Variants in BANK1 observed in about 807,000 individuals in gnomAD.
BANK1 encodes the protein B cell scaffold protein with ankyrin repeats 1, also known as B-cell scaffold protein with ankyrin repeats.
BANK1 carries 95 observed loss-of-function variants against 94.5 expected under a neutral mutation model. The ratio of observed to expected loss-of-function variants is 1.00; its 90% CI spans 0.85 to 1.19. BANK1 has a LOEUF of 1.19. Among genes scored for constraint, BANK1 ranks in the 50% most tolerant of loss-of-function variants. BANK1 has a pLI of 0.00. For synonymous variants in BANK1, 334 were observed against 308.4 expected, an observed-to-expected ratio of 1.08 and a Z score of -0.87; for missense variants, 987 against 932.2, an observed-to-expected ratio of 1.06 and a Z score of -0.77.
intron 2 of BANK1, among the ~76,000 whole-genome samples, chr4:101,854,699 T>C (rs139170971): frequency 6.6e-6 from 1 of 152,262 alleles, no homozygotes; most frequent in East Asian, 1.9e-4. Flanking sequence ...ATAACCGTCA[T>C]GGAAAACAAA....
At chr4:102,065,322 G>A (rs995552778) in intron 13 of BANK1, among the ~76,000 whole-genome samples, 2 of 152,144 alleles carry the variant, frequency 1.3e-5, no homozygotes, top group East Asian at 1.9e-4. Context: ...TAGGCTGACT[G>A]AATCTACAAA....
intron 6 of BANK1, 45 bp downstream of exon 6, chr4:101,895,455 C>T: frequency 8.6e-7 from 1 of 1,164,138 alleles, no homozygotes; most frequent in Non-Finnish European, 1.3e-6. Flanking sequence ...TATCACATTC[C>T]ATTCTATGTA....
intron 6 of BANK1, among the ~76,000 whole-genome samples, chr4:101,899,476 T>TG: frequency 6.6e-6 from 1 of 152,346 alleles, no homozygotes; most frequent in Non-Finnish European, 1.5e-5. Flanking sequence ...TATGAACTGA[T>TG]GCTTCAGTTT....
intron 2 of BANK1, among the ~76,000 whole-genome samples, chr4:101,843,886 C>T (rs1024378789): frequency 6.6e-6 from 1 of 152,118 alleles, no homozygotes; most frequent in Non-Finnish European, 1.5e-5. Flanking sequence ...CACACCGTTG[C>T]ACTCCAGCCT....
chr4:101,878,256 GA>G (rs1278560341), intron 5 of BANK1, among the ~76,000 whole-genome samples: 1 of 151,952 alleles, frequency 6.6e-6, no homozygotes, highest in Non-Finnish European at 1.5e-5. Flanking sequence ...ATGAAAGGAT[GA>G]AAAAAGATAT....
At chr4:101,867,992 T>G (rs1728140345) in intron 4 of BANK1, among the ~76,000 whole-genome samples, 1 of 151,896 alleles carries the variant, frequency 6.6e-6, no homozygotes, top group African/African-American at 2.4e-5. Flanking sequence ...GTGAATAGTC[T>G]AAGAACGCCA....
At chr4:101,934,492 C>T (rs1055409568) in intron 7 of BANK1, among the ~76,000 whole-genome samples, 11 of 151,552 alleles carry the variant, frequency 7.3e-5, no homozygotes, top group African/African-American at 2.7e-4. Flanking sequence ...TGAGAGCCTC[C>T]ATCACATGCA....
intron 5 of BANK1, among the ~76,000 whole-genome samples, chr4:101,871,073 G>C (rs1433929225): frequency 6.6e-6 from 1 of 152,138 alleles, no homozygotes; most frequent in African/African-American, 2.4e-5. Flanking sequence ...AAGGGAACGT[G>C]TGGTGTCAAT....
intron 1 of BANK1, among the ~76,000 whole-genome samples, chr4:101,814,471 C>T (rs570845513): frequency 2.0e-5 from 3 of 152,230 alleles, no homozygotes; most frequent in South Asian, 2.1e-4. Context: ...TTCTTTTTCT[C>T]GGAACTAGGA....
intron 7 of BANK1, among the ~76,000 whole-genome samples, chr4:101,985,742 A>C (rs188815243): frequency 6.6e-6 from 1 of 152,248 alleles, no homozygotes; most frequent in East Asian, 1.9e-4. Context: ...TGAAAATAAC[A>C]TGAAATTAAA....
At position 102,071,268 on chromosome 4, in the gene BANK1, CT is replaced by C; in HGVS notation, c.2213-5del. 1 of 1,612,484 alleles carries C rather than the reference CT, an allele frequency of 6.2e-7. No homozygotes were observed. The highest frequency in any genetic ancestry group is 2.2e-5 in the East Asian group (1 of 44,834). ...CTCAGTAGAACATGCTTTTTTTTGT[CT>C]TCCAGATAAACTCACCATTGTGCAC... is the stretch of plus-strand genomic sequence containing the variant. On this transcript the variant is annotated splice_region_variant and splice_polypyrimidine_tract_variant and intron_variant, in intron 13 of 16. Coordinates refer to ENST00000322953, the MANE Select transcript of BANK1 (RefSeq NM_017935.5).
At chr4:101,878,367 A>T (rs539197287) in intron 5 of BANK1, among the ~76,000 whole-genome samples, 1 of 152,344 alleles carries the variant, frequency 6.6e-6, no homozygotes, top group East Asian at 1.9e-4. Context: ...AGAAAAGTTC[A>T]CTGTATAATG....
chr4:101,895,368 G>A lies in BANK1; in HGVS notation c.967G>A (p.Glu323Lys). ...ATTCAAACATGAGATACCATATTAT[G>A]AGTTCCAGTCTCTTCAAACTGAAAT... ...SIFKHEIPYYEFQSLQTEICS... is the reference protein window; with the variant it reads ...SIFKHEIPYYKFQSLQTEICS... The change falls in exon 6 of 17, where the codon GAG (glutamate) becomes AAG (lysine). Residue 323 changes from glutamate (E) to lysine (K), a missense_variant. Glu to Lys is a moderately conservative substitution (Grantham distance 56, BLOSUM62 1). Transcript: ENST00000322953. The A allele has an allele frequency of 6.3e-7, 1 of 1,596,090 alleles. No individual in the cohort carries two copies. Among genetic ancestry groups the A allele is most frequent in the Non-Finnish European group, 8.5e-7 (1 of 1,170,590 alleles).
intron 5 of BANK1, among the ~76,000 whole-genome samples, chr4:101,886,884 G>A (rs1439427685): frequency 6.6e-6 from 1 of 152,138 alleles, no homozygotes; most frequent in Non-Finnish European, 1.5e-5. Context: ...GATTTTGCAT[G>A]ATTGATGGGG....
chr4:102,035,421 G>A (rs1727469781), intron 10 of BANK1, among the ~76,000 whole-genome samples: 1 of 151,930 alleles, frequency 6.6e-6, no homozygotes, highest in Non-Finnish European at 1.5e-5. Context: ...GGCCGAGGCG[G>A]GCGGATCACG....
chr4:101,849,496 GATACACACGCACACACACACAT>G (rs1468507572), intron 2 of BANK1, among the ~76,000 whole-genome samples: 1 of 151,894 alleles, frequency 6.6e-6, no homozygotes, highest in Non-Finnish European at 1.5e-5. Flanking sequence ...AGGACATGGA[GATACACACGCACACACACACAT>G]ATACACACAC....
At chr4:101,924,360 C>T (rs1391218207) in intron 7 of BANK1, among the ~76,000 whole-genome samples, 3 of 151,730 alleles carry the variant, frequency 2.0e-5, no homozygotes, top group Non-Finnish European at 2.9e-5. Flanking sequence ...ATGTCACAGC[C>T]GCTGTTTTCT....
chr4:101,862,449 A>G (rs1727914546), intron 3 of BANK1, 77 bp from the exon 4 acceptor site: 1 of 1,232,418 alleles, frequency 8.1e-7, no homozygotes, highest in Non-Finnish European at 1.1e-6. Flanking sequence ...TACCTTAATT[A>G]TAAAGAAATG....
intron 1 of BANK1, among the ~76,000 whole-genome samples, chr4:101,829,503 A>G (rs1346852881): frequency 1.3e-5 from 2 of 151,558 alleles, no homozygotes; most frequent in Non-Finnish European, 1.5e-5. Context: ...AACATTATCT[A>G]TGTCTAATCT....
Sources: gnomAD v4.1 joint callset for allele counts (sites outside exome capture counted in the v4.1 genomes callset) on GRCh38, gnomAD v4.1.1 for gene constraint, MANE v1.5 for transcripts, NCBI Gene and HGNC (gene_info 2026-07-23, HGNC 2026-07-21) for gene names.